MDGA2: variants seen among roughly 807,000 people sequenced by gnomAD.
MDGA2 encodes MAM domain-containing glycosylphosphatidylinositol anchor protein 2.
A neutral mutation model predicts 117.8 loss-of-function variants in MDGA2; 40 were observed. The observed-to-expected ratio is 0.34, with a 90% confidence interval of 0.26 to 0.44. MDGA2 has a LOEUF of 0.44. MDGA2 is among the 20% of genes least tolerant of loss of function. The pLI is 1.00. For missense variants in MDGA2, 1,123 were observed against 1,250.6 expected, an observed-to-expected ratio of 0.90 and a Z score of 1.54; for synonymous variants, 452 against 439.0, an observed-to-expected ratio of 1.03 and a Z score of -0.37.
intron 1 of MDGA2, among the ~76,000 whole-genome samples, chr14:47,624,436 C>G (rs1897104963): frequency 6.6e-6 from 1 of 152,064 alleles, no homozygotes; most frequent in South Asian, 2.1e-4. Flanking sequence ...CCAGCCTGGG[C>G]AAGAGAACGA....
intron 3 of MDGA2, among the ~76,000 whole-genome samples, chr14:47,164,926 A>G (rs532623462): frequency 1.2e-3 from 179 of 152,326 alleles, no homozygotes; most frequent in Non-Finnish European, 2.0e-3. Flanking sequence ...CAGCCATAAA[A>G]AATGATGAGT....
chr14:47,547,883 T>G (rs887007947), intron 1 of MDGA2, among the ~76,000 whole-genome samples: 3 of 152,292 alleles, frequency 2.0e-5, no homozygotes, highest in African/African-American at 7.2e-5. Flanking sequence ...ATACGATTAA[T>G]CTAAAATCTT....
At chr14:47,055,595 T>C (rs1025069949) in intron 7 of MDGA2, among the ~76,000 whole-genome samples, 1 of 152,178 alleles carries the variant, frequency 6.6e-6, no homozygotes, top group African/African-American at 2.4e-5. Flanking sequence ...AAGTAACGGT[T>C]ACATGTGAGT....
intron 1 of MDGA2, among the ~76,000 whole-genome samples, chr14:47,645,408 G>C (rs1897509151): frequency 6.6e-6 from 1 of 151,354 alleles, no homozygotes; most frequent in South Asian, 2.1e-4. Flanking sequence ...TAATTTTTTT[G>C]TATTTTTATT....
At chr14:47,006,016 C>T (rs370227544) in intron 8 of MDGA2, among the ~76,000 whole-genome samples, 2 of 151,490 alleles carry the variant, frequency 1.3e-5, no homozygotes, top group African/African-American at 4.8e-5. Context: ...TTCTGAGAAC[C>T]ACTAGTTTAT....
chr14:47,283,861 G>A (rs190509545), intron 2 of MDGA2, among the ~76,000 whole-genome samples: 18 of 152,174 alleles, frequency 1.2e-4, no homozygotes, highest in Non-Finnish European at 2.2e-4. Context: ...TGCTTTTGAT[G>A]GGTGACGATA....
chr14:47,205,474 TAGAAAA>T (rs1467765037), intron 3 of MDGA2, among the ~76,000 whole-genome samples: 1 of 151,988 alleles, frequency 6.6e-6, no homozygotes, highest in Non-Finnish European at 1.5e-5. Flanking sequence ...GAACTGTTCT[TAGAAAA>T]AGAAAGTAAA....
intron 1 of MDGA2, among the ~76,000 whole-genome samples, chr14:47,581,108 G>C (rs1319696079): frequency 2.0e-5 from 3 of 151,912 alleles, no homozygotes; most frequent in African/African-American, 7.2e-5. Flanking sequence ...CAGCTTTCAA[G>C]CTCATGAAAG....
At chr14:47,529,063 A>C (rs1388604348) in intron 1 of MDGA2, among the ~76,000 whole-genome samples, 1 of 150,936 alleles carries the variant, frequency 6.6e-6, no homozygotes, top group East Asian at 2.0e-4. Flanking sequence ...CAGTGGCACG[A>C]TCTGGGCTCA....
At chr14:47,359,462 C>A (rs1335878743) in intron 1 of MDGA2, among the ~76,000 whole-genome samples, 1 of 151,770 alleles carries the variant, frequency 6.6e-6, no homozygotes, top group Admixed American at 6.6e-5. Context: ...ACTAACACAA[C>A]CGAATAAAGG....
rs961276501 is a variant in MDGA2 at position 47,540,527 on chromosome 14, T to C, written c.280+133990A>G. Among the ~76,000 whole-genome samples the C allele has an allele frequency of 2.1e-4, 16 of 76,882 alleles. 1 individual carries two copies. Among genetic ancestry groups the C allele is most frequent in the Non-Finnish European group, 3.8e-4 (13 of 34,262 alleles). The allele number at this position is 76,882 out of a possible 152,430, so 50.4% of individuals were successfully genotyped here. On this transcript the variant is annotated intron_variant, in intron 1 of 16. Transcript: ENST00000399232. Reference sequence around the variant, plus strand: ...TTGTATATGTATATGTATATGTGTGTGTGTGTGTGTGTGTATATATATATA... The same window carrying C: ...TTGTATATGTATATGTATATGTGTGCGTGTGTGTGTGTGTATATATATATA...
intron 6 of MDGA2, among the ~76,000 whole-genome samples, chr14:47,087,349 T>C (rs868230966): frequency 3.8e-4 from 54 of 143,644 alleles, no homozygotes; most frequent in African/African-American, 1.2e-3. Context: ...ACCCCACCTC[T>C]ACAAAAAAAC....
intron 4 of MDGA2, among the ~76,000 whole-genome samples, chr14:47,133,944 C>G (rs1882331112): frequency 6.6e-6 from 1 of 151,860 alleles, no homozygotes; most frequent in Non-Finnish European, 1.5e-5. Context: ...TGCAAGCAAG[C>G]CACAATGATT....
At chr14:47,629,445 A>G (rs1226354803) in intron 1 of MDGA2, among the ~76,000 whole-genome samples, 2 of 152,216 alleles carry the variant, frequency 1.3e-5, no homozygotes, top group Non-Finnish European at 2.9e-5. Context: ...AAAAAAGGAA[A>G]TAGTGGAGGG....
intron 10 of MDGA2, among the ~76,000 whole-genome samples, chr14:46,892,926 C>T (rs1159430159): frequency 3.3e-5 from 5 of 151,902 alleles, no homozygotes; most frequent in African/African-American, 1.2e-4. Flanking sequence ...TTGGTTCAGC[C>T]ATTGTGAAAA....
At chr14:47,433,668 GC>G (rs1467593295) in intron 1 of MDGA2, among the ~76,000 whole-genome samples, 1 of 152,114 alleles carries the variant, frequency 6.6e-6, no homozygotes, top group East Asian at 1.9e-4. Context: ...GGCTGATGCC[GC>G]CATTTACATT....
rs190250818 is a variant in MDGA2, at chr14:47,463,387, G to A, written c.281-161837C>T. On this transcript the variant is annotated intron_variant, in intron 1 of 16. Transcript: ENST00000399232. ...TATTCACAATTTAGGTATAGAATGAGGGGTCACAGACATACAAAAAATAAA... is the reference window on the plus strand; with the variant it reads ...TATTCACAATTTAGGTATAGAATGAAGGGTCACAGACATACAAAAAATAAA... Among the ~76,000 whole-genome samples the A allele has an allele frequency of 9.9e-5, 15 of 152,110 alleles. No individual in the cohort carries two copies. The East Asian group carries it at 2.7e-3, about 27-fold the overall frequency.
At chr14:47,093,411 T>C (rs903993070) in intron 6 of MDGA2, among the ~76,000 whole-genome samples, 3 of 152,054 alleles carry the variant, frequency 2.0e-5, no homozygotes, top group Admixed American at 6.6e-5. Context: ...CATTTCTAAA[T>C]AGAACGAATC....
chr14:47,358,678 CA>C (rs1412521423), intron 1 of MDGA2, among the ~76,000 whole-genome samples: 1 of 151,862 alleles, frequency 6.6e-6, no homozygotes, highest in African/African-American at 2.4e-5. Context: ...AAGACTTATG[CA>C]AAAAATAAGT....
Sources: allele counts gnomAD v4.1 joint callset (sites outside exome capture counted in the v4.1 genomes callset), GRCh38; gene constraint gnomAD v4.1.1; transcripts MANE v1.5; gene names NCBI Gene and HGNC (gene_info 2026-07-23, HGNC 2026-07-21).